The following CDH12 variants were observed in gnomAD, a reference collection of about 807,000 sequenced individuals.
CDH12 encodes the protein cadherin-12.
Under a neutral mutation model 74.1 loss-of-function variants are expected in CDH12, and 41 were observed. The observed-to-expected ratio is 0.55, with a 90% CI of 0.43 to 0.72. The LOEUF is 0.72. CDH12 is among the 30% of genes least tolerant of loss of function. The probability of loss-of-function intolerance (pLI) is 0.00; values close to 1 mark genes in which losing one functional copy is unlikely to be tolerated. For synonymous variants in CDH12, 399 were observed against 355.0 expected (o/e 1.12, Z -1.39); for missense variants, 945 against 977.2 (o/e 0.97, Z 0.44).
At chr5:22,148,341 G>A (rs7720242) in intron 4 of CDH12, among the ~76,000 whole-genome samples, 6,599 of 151,918 alleles carry the variant, frequency 0.043, 265 homozygotes, top group African/African-American at 0.1. Context: ...AGTTTTCTGA[G>A]TTGTGCATTA....
chr5:22,079,906 A>AT (rs1355443653), intron 4 of CDH12, among the ~76,000 whole-genome samples: 2 of 151,774 alleles, frequency 1.3e-5, no homozygotes, highest in African/African-American at 4.8e-5. Context: ...ATGGAAAAAA[A>AT]AAAAGCAAAC....
At chr5:22,578,719 C>A (rs1739921168) in intron 1 of CDH12, among the ~76,000 whole-genome samples, 1 of 151,896 alleles carries the variant, frequency 6.6e-6, no homozygotes, top group South Asian at 2.1e-4. Context: ...CCTTCTTTTT[C>A]TTCTTCTTCA....
chr5:21,988,218 G>A (rs796472052), intron 5 of CDH12, among the ~76,000 whole-genome samples: 5 of 152,218 alleles, frequency 3.3e-5, no homozygotes, highest in African/African-American at 7.2e-5. Flanking sequence ...CCTGCCTGGC[G>A]TTGCGGCTCA....
chr5:22,220,716 GT>G (rs927821238), intron 3 of CDH12, among the ~76,000 whole-genome samples: 39 of 151,706 alleles, frequency 2.6e-4, no homozygotes, highest in African/African-American at 9.2e-4. Flanking sequence ...TAAAATTGAG[GT>G]TTAAATATTG....
intron 3 of CDH12, among the ~76,000 whole-genome samples, chr5:22,342,873 G>A (rs1739936418): frequency 6.7e-6 from 1 of 149,430 alleles, no homozygotes; most frequent in Non-Finnish European, 1.5e-5. Context: ...TGTCTTGATG[G>A]AGTCTCACTC....
intron 2 of CDH12, among the ~76,000 whole-genome samples, chr5:22,410,641 G>A (rs1743134509): frequency 6.6e-6 from 1 of 152,072 alleles, no homozygotes; most frequent in Admixed American, 6.6e-5. Context: ...AAATTTGCAT[G>A]TTTTTTCTCT....
At chr5:22,308,811 C>CACAT (rs140752980) in intron 3 of CDH12, among the ~76,000 whole-genome samples, 83,966 of 132,854 alleles carry the variant, frequency 0.63, 26,381 homozygotes, top group Admixed American at 0.74. Context: ...AATACACAAA[C>CACAT]ACACACACAC....
chr5:22,833,857 T>C (rs1452263449), intron 1 of CDH12, among the ~76,000 whole-genome samples: 1 of 152,162 alleles, frequency 6.6e-6, no homozygotes, highest in Non-Finnish European at 1.5e-5. Flanking sequence ...TTATAGCACA[T>C]GGTTATTTTC....
intron 2 of CDH12, among the ~76,000 whole-genome samples, chr5:22,426,971 C>T (rs1265259466): frequency 6.6e-6 from 1 of 151,980 alleles, no homozygotes; most frequent in Non-Finnish European, 1.5e-5. Context: ...TTCGTCTACC[C>T]TCTATCTCTT....
At chr5:21,912,138 G>A (rs1451855159) in intron 6 of CDH12, among the ~76,000 whole-genome samples, 2 of 152,058 alleles carry the variant, frequency 1.3e-5, no homozygotes, top group African/African-American at 4.8e-5. Context: ...TGTTCTAAGA[G>A]AAAATTAAGA....
intron 8 of CDH12, among the ~76,000 whole-genome samples, chr5:21,834,553 C>T (rs1254089177): frequency 6.6e-6 from 1 of 151,826 alleles, no homozygotes. Context: ...ATTACTTAAA[C>T]ATTAGTAGAA....
At chr5:21,855,086 A>C (rs1342720795) in intron 6 of CDH12, among the ~76,000 whole-genome samples, 1 of 151,776 alleles carries the variant, frequency 6.6e-6, no homozygotes, top group African/African-American at 2.4e-5. Flanking sequence ...CAAAGAAAGC[A>C]TGGACACCAC....
intron 2 of CDH12, among the ~76,000 whole-genome samples, chr5:22,420,353 A>C (rs79783520): frequency 3.3e-5 from 5 of 152,266 alleles, no homozygotes; most frequent in Admixed American, 6.5e-5. Flanking sequence ...TTTTTGTATA[A>C]GGAGTAAAGA....
intron 1 of CDH12, among the ~76,000 whole-genome samples, chr5:22,675,574 C>A (rs1741122684): frequency 6.6e-6 from 1 of 152,038 alleles, no homozygotes; most frequent in Admixed American, 6.6e-5. Context: ...TGAGTTAAGA[C>A]TCTAGGGGAC....
At chr5:22,244,727 AAAAG>A (rs1432015045) in intron 3 of CDH12, among the ~76,000 whole-genome samples, 3 of 136,238 alleles carry the variant, frequency 2.2e-5, no homozygotes, top group African/African-American at 8.3e-5. Flanking sequence ...GAGAGAAAGA[AAAAG>A]AAAGAAAGAA....
At chr5:22,795,257 G>A (rs1055255762) in intron 1 of CDH12, among the ~76,000 whole-genome samples, 5 of 152,232 alleles carry the variant, frequency 3.3e-5, no homozygotes, top group South Asian at 2.1e-4. Context: ...AAGAGATGAC[G>A]ATGGGAGTGT....
At chr5:22,037,187 C>T (rs1006312064) in intron 5 of CDH12, among the ~76,000 whole-genome samples, 1 of 152,214 alleles carries the variant, frequency 6.6e-6, no homozygotes, top group African/African-American at 2.4e-5. Context: ...CCTTAATACT[C>T]ACATCCTAAT....
In CDH12 at chr5:22,430,371, A is replaced by T. The variant is rs182226588; in HGVS notation, c.-427-25020T>A. ...AAAGAGAAGAAGGAAACTGGTGGCT[A>T]CATAGTACCCATAAAACAGAGTAAA... is the stretch of plus-strand genomic sequence containing the variant. On this transcript the variant is annotated intron_variant, in intron 2 of 14. Transcript: ENST00000382254. 4.6e-5 allele frequency among the ~76,000 whole-genome samples: 7 copies of T among 152,084 alleles called. No homozygotes were observed. In the East Asian group the frequency reaches 5.8e-4, roughly 13 times the overall value.
intron 6 of CDH12, among the ~76,000 whole-genome samples, chr5:21,953,659 A>T (rs1580010835): frequency 6.6e-6 from 1 of 152,206 alleles, no homozygotes; most frequent in East Asian, 1.9e-4. Context: ...TAAAAGTACA[A>T]AACATTTTGT....
Sources: allele counts gnomAD v4.1 joint callset (sites outside exome capture counted in the v4.1 genomes callset), GRCh38; gene constraint gnomAD v4.1.1; transcripts MANE v1.5; gene names NCBI Gene and HGNC (gene_info 2026-07-23, HGNC 2026-07-21).